Variants in CROCC observed in about 807,000 individuals in gnomAD.
The protein encoded by CROCC is rootletin.
CROCC carries 180 observed loss-of-function variants against 245.2 expected under a neutral mutation model. The observed-to-expected ratio is 0.73, with a 90% CI of 0.65 to 0.83. The LOEUF is 0.83. Ranked by LOEUF, CROCC falls within the 40% of genes least tolerant of loss-of-function variation. The probability of loss-of-function intolerance (pLI) is 0.00; values close to 1 mark genes in which losing one functional copy is unlikely to be tolerated. For missense variants in CROCC, 2,688 were observed against 2,779.4 expected (o/e 0.97, Z 0.74); for synonymous variants, 1,205 against 1,241.6 (o/e 0.97, Z 0.62).
chr1:16,948,339 G>C lies in CROCC; in HGVS notation c.2523G>C (p.Arg841=). 6.4e-7 allele frequency: 1 copy of C among 1,568,738 alleles called. No individual in the cohort carries two copies. Among genetic ancestry groups the C allele is most frequent in the Middle Eastern group, 2.2e-4 (1 of 4,540 alleles). The change falls in exon 18 of 37, where the codon CGG becomes CGC. Residue 841 remains arginine, a synonymous_variant. Transcript: ENST00000375541. ...QLQEQLAQLS[R]QLSGREQELE... ...CTCTGGGTGGGGGCCAGCTCTCCCG[G>C]CAGCTGAGCGGGCGGGAGCAGGAGC...
At chr1:16,961,186 C>G in intron 27 of CROCC, 56 bp downstream of exon 27, 1 of 1,255,066 alleles carries the variant, frequency 8.0e-7, no homozygotes, top group Non-Finnish European at 1.0e-6. Context: ...GCACTGAGGC[C>G]CCGCCCCCAC....
At position 16,948,524 on chromosome 1, in the gene CROCC, G is replaced by A. The variant is rs202113757; in HGVS notation, c.2708G>A (p.Arg903His). ...CTGTCAGAGGAGGCCACACGCCTGC[G>A]GTAAGGCCTTGGGCTCTGCCCAACC... ...RTLSEEATRL[R>H]LEKEALEGSL... The change falls in exon 18 of 37, where the codon CGC (arginine) becomes CAC (histidine). Residue 903 changes from arginine to histidine, a missense_variant and splice_region_variant. Coordinates refer to ENST00000375541, the MANE Select transcript of CROCC (RefSeq NM_014675.5). The A allele has an allele frequency of 2.1e-4, 330 of 1,535,946 alleles. No homozygotes were observed. The African/African-American group carries it at 3.7e-3, about 17-fold the overall frequency.
rs566600825 is a variant in CROCC at position 16,946,827 on chromosome 1, C to T, written c.2350C>T (p.Arg784Trp). The change falls in exon 17 of 37, where the codon CGG (arginine) becomes TGG (tryptophan). Residue 784 changes from arginine to tryptophan, a missense_variant. By Grantham distance (101) the Arg-to-Trp change is moderately radical. This residue lies in a region of CROCC where 295 missense variants were observed against 241.7 expected (regional missense o/e 1.22). Transcript: ENST00000375541. ...GGCAGAGCAGGAGGCCACAGTGGCG[C>T]GGGAAGAGCAGGAACGGCTAGAGGA... ...RQAEQEATVAREEQERLEELR... is the reference protein window; with the variant it reads ...RQAEQEATVAWEEQERLEELR... 21 of 1,553,540 alleles carry T rather than the reference C, an allele frequency of 1.4e-5. No individual in the cohort carries two copies. Among genetic ancestry groups the T allele is most frequent in the East Asian group, 1.2e-4 (5 of 41,174 alleles).
rs1304863256 is a variant in CROCC, at chr1:16,962,550, A to AC, written c.4405+1420_4405+1421insC. Among the ~76,000 whole-genome samples the AC allele has an allele frequency of 2.3e-4, 33 of 143,600 alleles. 2 individuals carry two copies. The highest frequency in any genetic ancestry group is 6.2e-4 in the African/African-American group (24 of 38,694). The allele number at this position is 143,600 out of a possible 152,430, so 94.2% of individuals were successfully genotyped here. ...ACTCCGTCTCAAAAAAAAAAAAAAA[A>AC]AAAAAAAAAAACAGGATTTCAGCAT... On this transcript the variant is annotated intron_variant, in intron 27 of 36. Transcript: ENST00000375541.
chr1:16,932,320 A>G (rs1281678439), intron 8 of CROCC, among the ~76,000 whole-genome samples: 2 of 152,238 alleles, frequency 1.3e-5, no homozygotes, highest in Non-Finnish European at 2.9e-5. Flanking sequence ...CATGCCTGTA[A>G]TCCCAGCTAC....
chr1:16,940,041 G>A lies in CROCC; in HGVS notation c.1756G>A (p.Asp586Asn). The change falls in exon 13 of 37, where the codon GAC becomes AAC. Residue 586 changes from aspartate to asparagine, a missense_variant. Transcript: ENST00000375541. ...KTDGAMQAHE[D>N]AQREVQRLRS... ...CGACGGCGCCATGCAGGCCCACGAG[G>A]ACGCCCAGCGCGAGGTGCAGCGGCT... 6.2e-7 allele frequency: 1 copy of A among 1,604,950 alleles called. No homozygotes were observed. Among genetic ancestry groups the A allele is most frequent in the Non-Finnish European group, 8.5e-7 (1 of 1,177,252 alleles).
At chr1:16,930,772 G>A (rs1570604807) in intron 7 of CROCC, among the ~76,000 whole-genome samples, 178 bp downstream of exon 7, 1 of 152,410 alleles carries the variant, frequency 6.6e-6, no homozygotes, top group African/African-American at 2.4e-5. Context: ...TGTACCACGT[G>A]CACGGTGTGC....
chr1:16,919,434 T>C (rs1196342985), upstream of CROCC, among the ~76,000 whole-genome samples: 1 of 152,272 alleles, frequency 6.6e-6, no homozygotes, highest in Non-Finnish European at 1.5e-5. Context: ...TATGCCCCCT[T>C]TGGGGCACAG....
intron 3 of CROCC, among the ~76,000 whole-genome samples, chr1:16,926,898 A>C (rs565653864): frequency 6.6e-6 from 1 of 152,268 alleles, no homozygotes; most frequent in Non-Finnish European, 1.5e-5. Context: ...TTGAATTGCA[A>C]GTAAAATTGA....
intron 3 of CROCC, among the ~76,000 whole-genome samples, chr1:16,928,385 A>G (rs570893893): frequency 7.2e-5 from 11 of 152,354 alleles, no homozygotes; most frequent in Admixed American, 4.6e-4. Flanking sequence ...TATGGCTGGT[A>G]GGGACAGCCA....
In CROCC at chr1:16,943,890, C is replaced by T. The variant is rs1456764611; in HGVS notation, c.1809-210C>T. ...AGCACCTCCATCCACTCCAAGTGGG[C>T]GGACTGGAGAGAAGGAAAGCCAGGT... On this transcript the variant is annotated intron_variant, in intron 13 of 36. Transcript: ENST00000375541. Among the ~76,000 whole-genome samples, 10 of 152,394 alleles carry T rather than the reference C, an allele frequency of 6.6e-5. No homozygotes were observed. In the South Asian group the frequency reaches 8.3e-4, roughly 13 times the overall value.
Position 16,969,162 on chromosome 1 carries a change from A to T in CROCC, c.5123A>T (p.Glu1708Val). 1 of 1,610,476 alleles carries T rather than the reference A, an allele frequency of 6.2e-7. No individual in the cohort carries two copies. Among genetic ancestry groups the T allele is most frequent in the Non-Finnish European group, 8.5e-7 (1 of 1,178,690 alleles). Residue 1708 changes from glutamate (E) to valine (V), a missense_variant, in exon 32 of 37, where the codon GAG (glutamate) becomes GTG (valine). Physicochemically the swap from Glu to Val is moderately radical, Grantham distance 121 (BLOSUM62 -2). Coordinates refer to ENST00000375541, the MANE Select transcript of CROCC (RefSeq NM_014675.5). Reference protein sequence around the residue: ...VKAGTLQLTVERLNGALAKVE... With the variant: ...VKAGTLQLTVVRLNGALAKVE... Reference sequence around the variant, plus strand: ...GCAGGGACCCTGCAGCTGACCGTGGAGCGGCTGAATGGGGCCCTGGCTAAG... The same window carrying T: ...GCAGGGACCCTGCAGCTGACCGTGGTGCGGCTGAATGGGGCCCTGGCTAAG...
chr1:16,961,853 C>A (rs1048607508), intron 27 of CROCC, among the ~76,000 whole-genome samples: 1 of 152,192 alleles, frequency 6.6e-6, no homozygotes, highest in African/African-American at 2.4e-5. Context: ...CTCAAGCGAT[C>A]CTCCCACTGG....
At chr1:16,948,564 C>A in intron 18 of CROCC, 40 bp downstream of exon 18, 1 of 1,486,628 alleles carries the variant, frequency 6.7e-7, no homozygotes, top group Non-Finnish European at 8.9e-7. Context: ...CTGGGGGGTC[C>A]TCCTGGGGCC....
chr1:16,957,429 A>C (rs1382620176), intron 25 of CROCC, among the ~76,000 whole-genome samples: 2 of 152,088 alleles, frequency 1.3e-5, no homozygotes, highest in Non-Finnish European at 2.9e-5. Flanking sequence ...TTAAACTTTT[A>C]ATTTTTATTT....
intron 11 of CROCC, 146 bp from the exon 12 acceptor site, chr1:16,938,763 G>C: frequency 1.2e-6 from 1 of 854,238 alleles, no homozygotes; most frequent in Non-Finnish European, 1.9e-6. Flanking sequence ...GACTGAGCTA[G>C]TGGAGGAGGT....
At position 16,970,775 on chromosome 1, in the gene CROCC, C is replaced by A; in HGVS notation, c.5784+8C>A. The A allele has an allele frequency of 6.4e-7, 1 of 1,565,100 alleles. No individual in the cohort carries two copies. Among genetic ancestry groups the A allele is most frequent in the Non-Finnish European group, 8.6e-7 (1 of 1,159,552 alleles). The stretch of plus-strand genomic sequence containing the variant: ...CAGATCCAGCAGCTGGAGGTCTGAC[C>A]CCACCCAGTCCGGGACCCCAACTTC... On this transcript the variant is annotated splice_region_variant and intron_variant, in intron 35 of 36. Transcript: ENST00000375541.
At position 16,970,623 on chromosome 1, in the gene CROCC, C is replaced by T; in HGVS notation, c.5653-13C>T. On this transcript the variant is annotated splice_polypyrimidine_tract_variant and intron_variant, in intron 34 of 36. Coordinates refer to ENST00000375541, the MANE Select transcript of CROCC (RefSeq NM_014675.5). ...CTCCTGGCACCCTGATCTCCTGTGG[C>T]TCTCCTGCCTAGGTGGAGCGGGAGA... is the stretch of plus-strand genomic sequence containing the variant. The T allele has an allele frequency of 6.5e-7, 1 of 1,527,324 alleles. No homozygotes were observed. Among genetic ancestry groups the T allele is most frequent in the Non-Finnish European group, 8.8e-7 (1 of 1,136,100 alleles). The allele number at this position is 1,527,324 out of a possible 1,614,324, so 94.6% of individuals were successfully genotyped here. A position where few individuals can be genotyped will look rare whatever the true frequency, so the allele number is the denominator to read the frequency against.
chr1:16,927,285 C>T (rs1252132912), intron 3 of CROCC, among the ~76,000 whole-genome samples: 4 of 152,270 alleles, frequency 2.6e-5, no homozygotes, highest in African/African-American at 9.6e-5. Flanking sequence ...CCTATAACAA[C>T]CATATGCAGA....
Sources: gnomAD v4.1 joint callset for allele counts (sites outside exome capture counted in the v4.1 genomes callset) on GRCh38, gnomAD v4.1.1 for gene constraint, gnomAD v4.1.1 regional missense constraint, MANE v1.5 for transcripts, NCBI Gene and HGNC (gene_info 2026-07-23, HGNC 2026-07-21) for gene names.